DISC1: variants seen among roughly 807,000 people sequenced by gnomAD.
DISC1 encodes the protein disrupted in schizophrenia 1 protein.
A neutral mutation model predicts 84.5 loss-of-function variants in DISC1; 57 were observed. The observed-to-expected ratio is 0.67, with a 90% CI of 0.55 to 0.84. The LOEUF is 0.84. Among genes scored for constraint, DISC1 ranks in the 40% least tolerant of loss-of-function variants. The pLI, the probability that DISC1 is intolerant of heterozygous loss-of-function variation, is 0.00. For synonymous variants in DISC1, 411 were observed against 415.2 expected (o/e 0.99, Z 0.12); for missense variants, 1,000 against 1,057.8 (o/e 0.95, Z 0.76).
intron 5 of DISC1, 39 bp from the exon 6 acceptor site, chr1:231,770,796 G>A: frequency 6.3e-7 from 1 of 1,599,754 alleles, no homozygotes; most frequent in Non-Finnish European, 8.5e-7. Flanking sequence ...GCCATGAGCA[G>A]GGTTAATTTA....
At chr1:231,805,208 C>T (rs1349707471) in intron 8 of DISC1, among the ~76,000 whole-genome samples, 1 of 152,042 alleles carries the variant, frequency 6.6e-6, no homozygotes, top group African/African-American at 2.4e-5. Context: ...TTCAATTTTC[C>T]TGTTCAGCAG....
At chr1:231,699,177 G>C (rs912569621) in intron 2 of DISC1, among the ~76,000 whole-genome samples, 1 of 152,092 alleles carries the variant, frequency 6.6e-6, no homozygotes, top group Admixed American at 6.6e-5. Flanking sequence ...TCAGCGTAGA[G>C]GTAACCCCAT....
At chr1:231,733,473 AG>A (rs1303672776) in intron 3 of DISC1, among the ~76,000 whole-genome samples, 1 of 147,314 alleles carries the variant, frequency 6.8e-6, no homozygotes, top group Non-Finnish European at 1.5e-5. Context: ...TGGTGATGGT[AG>A]GAGTGGTAGT....
intron 10 of DISC1, among the ~76,000 whole-genome samples, chr1:231,989,424 T>A (rs767556335): frequency 5.3e-5 from 8 of 152,222 alleles, no homozygotes; most frequent in Non-Finnish European, 1.0e-4. Flanking sequence ...CTGGCGGATT[T>A]GCTTATCATA....
chr1:232,026,533 T>A lies in DISC1; in HGVS notation c.2406T>A (p.Ser802Arg). ...LEDQLHTAIH[S>R]HDEDLIQSLR... ...ATCAACTTCACACAGCAATCCACAG[T>A]CATGATGAAGATCTCATTCATATCC... Residue 802 changes from serine (S) to arginine (R), a missense_variant, in exon 12 of 13, where the codon AGT (serine) becomes AGA (arginine). Physicochemically the swap from Ser to Arg is moderately radical, Grantham distance 110. Around this residue, in one of 3 missense-constraint regions of DISC1, gnomAD observed 397 missense variants for 377.5 expected, o/e 1.05. Coordinates refer to ENST00000439617, the MANE Select transcript of DISC1 (RefSeq NM_018662.3). The A allele has an allele frequency of 6.2e-7, 1 of 1,604,068 alleles. No homozygotes were observed. Among genetic ancestry groups the A allele is most frequent in the African/African-American group, 1.3e-5 (1 of 74,912 alleles).
At chr1:231,660,117 G>A (rs139217519) in intron 1 of DISC1, among the ~76,000 whole-genome samples, 1 of 152,230 alleles carries the variant, frequency 6.6e-6, no homozygotes, top group East Asian at 1.9e-4. Flanking sequence ...TAGTCTAAGT[G>A]TGTCATTCTT....
chr1:231,788,291 A>G (rs963276684), intron 6 of DISC1, among the ~76,000 whole-genome samples: 14 of 152,114 alleles, frequency 9.2e-5, no homozygotes, highest in Non-Finnish European at 1.6e-4. Context: ...TCTCAGAAAA[A>G]ACAAAAAAAG....
At position 231,835,716 on chromosome 1, in the gene DISC1, T is replaced by G. The variant is rs1294193641; in HGVS notation, c.1981+17199T>G. Among the ~76,000 whole-genome samples the G allele has an allele frequency of 3.9e-5, 6 of 152,206 alleles. No individual in the cohort carries two copies. In the East Asian group the frequency reaches 1.2e-3, roughly 29 times the overall value. ...GAGGCACCTAGTGGTTTTCTTCTCT[T>G]TATATAATATGGTTATCAATCATTT... On this transcript the variant is annotated intron_variant, in intron 9 of 12. Coordinates refer to ENST00000439617, the MANE Select transcript of DISC1 (RefSeq NM_018662.3).
chr1:231,901,561 G>A (rs532729029), intron 9 of DISC1, among the ~76,000 whole-genome samples: 6 of 152,148 alleles, frequency 3.9e-5, no homozygotes, highest in South Asian at 2.1e-4. Flanking sequence ...GGGAGCATTC[G>A]GCCCATGAAG....
At position 232,036,846 on chromosome 1, in the gene DISC1, G is replaced by C; in HGVS notation, c.*15G>C. 1 of 1,539,082 alleles carries C rather than the reference G, an allele frequency of 6.5e-7. No homozygotes were observed. Among genetic ancestry groups the C allele is most frequent in the South Asian group, 1.2e-5 (1 of 81,388 alleles). On this transcript the variant is annotated 3_prime_UTR_variant, in exon 13 of 13. Transcript: ENST00000439617. ...CACAAGCCTGAGGAGTGACGGGATG[G>C]GGGAGGGAGGTGGGCCACCATGTTT...
intron 9 of DISC1, among the ~76,000 whole-genome samples, chr1:231,871,294 C>T (rs1215535934): frequency 6.6e-6 from 1 of 152,094 alleles, no homozygotes; most frequent in South Asian, 2.1e-4. Flanking sequence ...GAGGGCAGCA[C>T]CTAATGTGGG....
chr1:231,712,068 G>A (rs1052797037), intron 3 of DISC1, among the ~76,000 whole-genome samples: 3 of 152,190 alleles, frequency 2.0e-5, no homozygotes, highest in Non-Finnish European at 2.9e-5. Context: ...AGAGGAGGTG[G>A]TGATGTGACC....
At chr1:231,734,244 T>G (rs2072149407) in intron 3 of DISC1, among the ~76,000 whole-genome samples, 1 of 152,176 alleles carries the variant, frequency 6.6e-6, no homozygotes, top group Non-Finnish European at 1.5e-5. Flanking sequence ...GAGGGTTTAA[T>G]GAAAAGTAGC....
At chr1:231,732,631 C>T (rs1175470848) in intron 3 of DISC1, among the ~76,000 whole-genome samples, 3 of 152,122 alleles carry the variant, frequency 2.0e-5, no homozygotes, top group African/African-American at 7.2e-5. Context: ...GGCTGAGTGG[C>T]ATTTTGTCTT....
At position 231,675,360 on chromosome 1, in the gene DISC1, G is replaced by A. The variant is rs183261637; in HGVS notation, c.68-18466G>A. Reference sequence around the variant, plus strand: ...CCTACCCTATTGCACATTTTAGTGTGGCTTAGCTCTGTTGCCTTTGTGGTG... The same window carrying A: ...CCTACCCTATTGCACATTTTAGTGTAGCTTAGCTCTGTTGCCTTTGTGGTG... On this transcript the variant is annotated intron_variant, in intron 1 of 12. Coordinates refer to ENST00000439617, the MANE Select transcript of DISC1 (RefSeq NM_018662.3). This position sits in a 1 kb window ranked among gnomAD's most constrained non-coding sequence, Gnocchi z 4.1. Among the ~76,000 whole-genome samples the A allele has an allele frequency of 2.4e-4, 36 of 152,140 alleles. 1 individual carries two copies. The East Asian group carries it at 4.8e-3, about 20-fold the overall frequency.
Position 231,675,994 on chromosome 1 carries a change from G to A in DISC1, c.68-17832G>A, listed in dbSNP as rs1031370648. ...CTCCTGAGTAGCTGGGATTACAGGCGTGCGCCTCCACACCCAGCTAATTTT... is the reference window on the plus strand; with the variant it reads ...CTCCTGAGTAGCTGGGATTACAGGCATGCGCCTCCACACCCAGCTAATTTT... On this transcript the variant is annotated intron_variant, in intron 1 of 12. Coordinates refer to ENST00000439617, the MANE Select transcript of DISC1 (RefSeq NM_018662.3). This position sits in a 1 kb window ranked among gnomAD's most constrained non-coding sequence, Gnocchi z 4.1. Among the ~76,000 whole-genome samples, 17 of 151,804 alleles carry A rather than the reference G, an allele frequency of 1.1e-4. No homozygotes were observed. The highest frequency in any genetic ancestry group is 1.5e-4 in the Non-Finnish European group (10 of 67,940).
intron 9 of DISC1, among the ~76,000 whole-genome samples, chr1:231,839,169 A>T (rs1480209194): frequency 6.6e-6 from 1 of 152,162 alleles, no homozygotes; most frequent in East Asian, 1.9e-4. Flanking sequence ...TTTAGGGAAG[A>T]GGAGAGCACA....
intron 8 of DISC1, among the ~76,000 whole-genome samples, chr1:231,811,115 A>G (rs1292240795): frequency 6.6e-6 from 1 of 152,258 alleles, no homozygotes; most frequent in Non-Finnish European, 1.5e-5. Flanking sequence ...TCTATGAAAT[A>G]TATGGCTGTC....
intron 9 of DISC1, among the ~76,000 whole-genome samples, chr1:231,835,631 G>T (rs2082575278): frequency 6.6e-6 from 1 of 152,192 alleles, no homozygotes; most frequent in Admixed American, 6.5e-5. Flanking sequence ...GGCTTAGCTT[G>T]GGCTCAGAGG....
Sources: allele counts gnomAD v4.1 joint callset (sites outside exome capture counted in the v4.1 genomes callset), GRCh38; gene constraint gnomAD v4.1.1; regional missense constraint gnomAD v4.1.1; non-coding constraint Gnocchi (gnomAD v3.1); transcripts MANE v1.5; gene names NCBI Gene and HGNC (gene_info 2026-07-23, HGNC 2026-07-21).